Variants in AFF2 observed in about 807,000 individuals in gnomAD.
The protein encoded by AFF2 is AF4/FMR2 family member 2.
A neutral mutation model predicts 76.9 loss-of-function variants in AFF2; 14 were observed. The observed-to-expected ratio is 0.18, with a 90% CI of 0.12 to 0.28. AFF2 has a LOEUF of 0.28. Among genes scored for constraint, AFF2 ranks in the 10% least tolerant of loss-of-function variants. The probability of loss-of-function intolerance (pLI) is 1.00; values close to 1 mark genes in which losing one functional copy is unlikely to be tolerated. For synonymous variants in AFF2, 398 were observed against 366.7 expected, an observed-to-expected ratio of 1.09 and a Z score of -0.98; for missense variants, 868 against 1,001.1, an observed-to-expected ratio of 0.87 and a Z score of 1.79.
rs1447331893 is a variant in AFF2, at chrX:148,966,881, TCAC to T, written c.3012_3014del (p.Thr1005del). On this transcript the variant is annotated inframe_deletion, in exon 14 of 21. Coordinates refer to ENST00000370460, the MANE Select transcript of AFF2 (RefSeq NM_002025.4). ...GCTACTGTCACTGCTACTGCCATTGTCACCACCACTGTCACAGCTACTGCCACC... is the reference window on the plus strand; with the variant it reads ...GCTACTGTCACTGCTACTGCCATTGTCACCACTGTCACAGCTACTGCCACC... 8.3e-7 allele frequency: 1 copy of T among 1,211,170 alleles called. No individual in the cohort carries two copies. The highest frequency in any genetic ancestry group is 1.1e-6 in the Non-Finnish European group (1 of 895,425).
intron 3 of AFF2, among the ~76,000 whole-genome samples, chrX:148,793,092 C>A (rs1448600143): frequency 8.9e-6 from 1 of 111,953 alleles, no homozygotes; most frequent in East Asian, 2.8e-4. Context: ...ATTTTCTCAT[C>A]TCCTTGTTTT....
At chrX:148,528,115 C>T (rs1357214527) in intron 1 of AFF2, among the ~76,000 whole-genome samples, 1 of 112,024 alleles carries the variant, frequency 8.9e-6, no homozygotes, top group Non-Finnish European at 1.9e-5. Flanking sequence ...AAGTAACAAT[C>T]TGTGCTAGGA....
chrX:148,517,046 C>T (rs1415101267), intron 1 of AFF2, among the ~76,000 whole-genome samples: 1 of 111,898 alleles, frequency 8.9e-6, no homozygotes, highest in Non-Finnish European at 1.9e-5. Flanking sequence ...TTCATTCATT[C>T]GTTCATTCAA....
chrX:148,754,257 C>T (rs2055534821), intron 3 of AFF2, among the ~76,000 whole-genome samples: 1 of 111,834 alleles, frequency 8.9e-6, no homozygotes. Flanking sequence ...CACTTTTTAT[C>T]TCTACTAATC....
chrX:148,675,606 C>T (rs1048555120), intron 3 of AFF2, among the ~76,000 whole-genome samples: 1 of 109,194 alleles, frequency 9.2e-6, no homozygotes, highest in Non-Finnish European at 1.9e-5. Context: ...GTCAGGTTCT[C>T]TTATTCATCT....
In AFF2 at chrX:148,649,876, A is replaced by T. The variant is rs1421764642; in HGVS notation, c.48-2123A>T. 2.7e-5 allele frequency among the ~76,000 whole-genome samples: 3 copies of T among 111,705 alleles called. No individual in the cohort carries two copies. The East Asian group carries it at 8.4e-4, about 31-fold the overall frequency. On this transcript the variant is annotated intron_variant, in intron 1 of 20. Transcript: ENST00000370460. ...TCTCTTCATGGGAGAATTAAATGTG[A>T]TCTATGGGCCTGTCATTCTTAGCTG...
intron 7 of AFF2, among the ~76,000 whole-genome samples, chrX:148,855,682 A>G (rs1475988270): frequency 8.9e-6 from 1 of 111,976 alleles, no homozygotes; most frequent in Non-Finnish European, 1.9e-5. Flanking sequence ...GAAAGCAAAT[A>G]CAATGCAGAA....
rs1052548631 is a variant in AFF2 at position 148,996,435 on chromosome X, C to T, written c.*5103C>T. Reference sequence around the variant, plus strand: ...CTACCAACTGTGATGTCACTGAACACATGGTTGGAAAGAGATGCACGCAGT... The same window carrying T: ...CTACCAACTGTGATGTCACTGAACATATGGTTGGAAAGAGATGCACGCAGT... On this transcript the variant is annotated 3_prime_UTR_variant, in exon 21 of 21. Coordinates refer to ENST00000370460, the MANE Select transcript of AFF2 (RefSeq NM_002025.4). 1 of 112,704 alleles carries T rather than the reference C, an allele frequency of 8.9e-6. No homozygotes were observed. Among genetic ancestry groups the T allele is most frequent in the Non-Finnish European group, 1.9e-5 (1 of 53,382 alleles). The allele number at this position is 112,704 out of a possible 1,213,427, so 9.3% of individuals were successfully genotyped here. A position where few individuals can be genotyped will look rare whatever the true frequency, so the allele number is the denominator to read the frequency against.
chrX:148,697,669 A>T, intron 3 of AFF2, among the ~76,000 whole-genome samples: 1 of 110,598 alleles, frequency 9.0e-6, no homozygotes, highest in Admixed American at 9.7e-5. Context: ...GAAAAAAAAA[A>T]AGAACCAATT....
chrX:148,729,859 G>A (rs2055201209), intron 3 of AFF2, among the ~76,000 whole-genome samples: 1 of 111,628 alleles, frequency 9.0e-6, no homozygotes. Flanking sequence ...CTATGCCTAT[G>A]TCACCGCCAC....
chrX:148,858,732 A>G (rs1336516569), intron 7 of AFF2, among the ~76,000 whole-genome samples: 2 of 111,317 alleles, frequency 1.8e-5, no homozygotes, highest in Non-Finnish European at 3.8e-5. Flanking sequence ...ATGGATTTAC[A>G]TTAAAAAACT....
intron 2 of AFF2, among the ~76,000 whole-genome samples, chrX:148,655,227 C>A (rs2054239378): frequency 9.1e-6 from 1 of 109,602 alleles, no homozygotes; most frequent in African/African-American, 3.3e-5. Flanking sequence ...GGGGCAGGGC[C>A]TATTGTGTGA....
At chrX:148,793,632 A>G (rs1405007785) in intron 3 of AFF2, among the ~76,000 whole-genome samples, 2 of 111,820 alleles carry the variant, frequency 1.8e-5, no homozygotes, top group African/African-American at 3.3e-5. Flanking sequence ...AAATGGAATC[A>G]TGAAGTAACA....
intron 1 of AFF2, among the ~76,000 whole-genome samples, chrX:148,579,677 A>C (rs1890420138): frequency 8.9e-6 from 1 of 111,798 alleles, no homozygotes; most frequent in Admixed American, 9.5e-5. Flanking sequence ...GGACTAAATA[A>C]AATTAAGGAG....
intron 1 of AFF2, among the ~76,000 whole-genome samples, chrX:148,638,188 G>T (rs868921155): frequency 8.9e-6 from 1 of 111,771 alleles, no homozygotes; most frequent in Non-Finnish European, 1.9e-5. Context: ...CTGAGACTGG[G>T]TATTTCAGTC....
intron 3 of AFF2, among the ~76,000 whole-genome samples, chrX:148,667,572 G>C (rs1557258608): frequency 8.9e-6 from 1 of 111,800 alleles, no homozygotes; most frequent in Non-Finnish European, 1.9e-5. Context: ...TGGCTGGGGA[G>C]GCCTCACAAT....
intron 19 of AFF2, among the ~76,000 whole-genome samples, chrX:148,984,962 T>C (rs1360650658): frequency 9.1e-6 from 1 of 110,477 alleles, no homozygotes; most frequent in Non-Finnish European, 1.9e-5. Context: ...CTGCACCATG[T>C]GGTCTCTCTT....
At chrX:148,749,071 CTG>C (rs1214184738) in intron 3 of AFF2, among the ~76,000 whole-genome samples, 3 of 111,338 alleles carry the variant, frequency 2.7e-5, no homozygotes, top group Non-Finnish European at 5.6e-5. Flanking sequence ...ACTGTAAAAG[CTG>C]TGCTTCACAG....
chrX:148,884,966 G>A (rs1456055942), intron 7 of AFF2, among the ~76,000 whole-genome samples: 2 of 111,801 alleles, frequency 1.8e-5, no homozygotes, highest in Non-Finnish European at 3.8e-5. Flanking sequence ...CATAGGAAAT[G>A]GTCATTGGTC....
Sources: gnomAD v4.1 joint callset for allele counts (sites outside exome capture counted in the v4.1 genomes callset) on GRCh38, gnomAD v4.1.1 for gene constraint, MANE v1.5 for transcripts, NCBI Gene and HGNC (gene_info 2026-07-23, HGNC 2026-07-21) for gene names.